The following MYO9B variants were observed in gnomAD, a reference collection of about 807,000 sequenced individuals.
The protein encoded by MYO9B is unconventional myosin-IXb.
In MYO9B, 71 loss-of-function variants were observed where a neutral mutation model predicts 229.5. The observed-to-expected ratio is 0.31, with a 90% CI of 0.26 to 0.38. The LOEUF is 0.38. Ranked by LOEUF, MYO9B falls within the 10% of genes least tolerant of loss-of-function variation. The pLI is 1.00. For missense variants in MYO9B, 2,255 were observed against 2,920.5 expected, an observed-to-expected ratio of 0.77 and a Z score of 5.25; for synonymous variants, 1,185 against 1,235.8, an observed-to-expected ratio of 0.96 and a Z score of 0.86.
intron 14 of MYO9B, among the ~76,000 whole-genome samples, chr19:17,176,640 G>C (rs1272124964): frequency 6.6e-6 from 1 of 152,138 alleles, no homozygotes; most frequent in Admixed American, 6.6e-5. Context: ...GTTTACAAAG[G>C]ATCCATTTTA....
At chr19:17,182,482 C>A (rs2072872755) in intron 15 of MYO9B, among the ~76,000 whole-genome samples, 1 of 152,018 alleles carries the variant, frequency 6.6e-6, no homozygotes, top group South Asian at 2.1e-4. Flanking sequence ...TGGCTCACTG[C>A]AACCTCCACC....
chr19:17,143,087 AAGTT>A (rs1400315623), intron 2 of MYO9B, among the ~76,000 whole-genome samples: 1 of 152,098 alleles, frequency 6.6e-6, no homozygotes, highest in East Asian at 1.9e-4. Flanking sequence ...AAAAATGTAA[AAGTT>A]AGCCAGGCGT....
At position 17,134,502 on chromosome 19, in the gene MYO9B, G is replaced by A. The variant is rs546796919; in HGVS notation, c.841-10895G>A. Among the ~76,000 whole-genome samples, 35 of 139,772 alleles carry A rather than the reference G, an allele frequency of 2.5e-4. No individual in the cohort carries two copies. In the South Asian group the frequency reaches 7.2e-3, roughly 29 times the overall value. 91.7% of individuals were successfully genotyped at this position (139,772 alleles called of 152,430 possible). Reference sequence around the variant, plus strand: ...TGCCTCTCGGTTTCAAGCGATTTTCGTGTCTCAGCCTCCCCTGTAGCTGGG... The same window carrying A: ...TGCCTCTCGGTTTCAAGCGATTTTCATGTCTCAGCCTCCCCTGTAGCTGGG... On this transcript the variant is annotated intron_variant, in intron 2 of 39. Transcript: ENST00000682292.
At chr19:17,082,319 G>A (rs1383747529) in intron 1 of MYO9B, among the ~76,000 whole-genome samples, 1 of 152,156 alleles carries the variant, frequency 6.6e-6, no homozygotes, top group Non-Finnish European at 1.5e-5. Context: ...ACTCGCTTAT[G>A]GGGGAAGTGG....
chr19:17,137,903 CT>C (rs35807019), intron 2 of MYO9B, among the ~76,000 whole-genome samples: 160 of 143,682 alleles, frequency 1.1e-3, no homozygotes, highest in South Asian at 1.3e-3. Flanking sequence ...CCATACCTGG[CT>C]TTTTTTTTTT....
intron 7 of MYO9B, 57 bp from the exon 8 acceptor site, chr19:17,159,338 T>C (rs1239860952): frequency 6.8e-7 from 1 of 1,468,314 alleles, no homozygotes; most frequent in African/African-American, 1.4e-5. Flanking sequence ...TACCAGGACA[T>C]GCCTGATAAG....
intron 2 of MYO9B, among the ~76,000 whole-genome samples, chr19:17,132,528 T>TTA (rs1568266218): frequency 6.6e-5 from 5 of 76,050 alleles, no homozygotes; most frequent in African/African-American, 1.2e-4. Context: ...TATTATTATT[T>TTA]TTTTTTTTTT....
intron 2 of MYO9B, among the ~76,000 whole-genome samples, chr19:17,126,894 C>T (rs1411341429): frequency 7.1e-6 from 1 of 140,976 alleles, no homozygotes; most frequent in African/African-American, 2.7e-5. Context: ...GAACTCCTGA[C>T]CTTGTGATCC....
intron 1 of MYO9B, among the ~76,000 whole-genome samples, chr19:17,088,392 G>T (rs971206606): frequency 6.6e-6 from 1 of 152,168 alleles, no homozygotes; most frequent in African/African-American, 2.4e-5. Flanking sequence ...TCTGAGGTTC[G>T]CGGTAAGCAT....
intron 2 of MYO9B, among the ~76,000 whole-genome samples, chr19:17,117,176 C>T (rs749028655): frequency 1.3e-5 from 2 of 152,130 alleles, no homozygotes; most frequent in African/African-American, 4.8e-5. Flanking sequence ...TGTCTATCGG[C>T]GATGTCAGCC....
chr19:17,139,430 C>T (rs1027926121), intron 2 of MYO9B, among the ~76,000 whole-genome samples: 3 of 152,140 alleles, frequency 2.0e-5, no homozygotes, highest in Non-Finnish European at 4.4e-5. Flanking sequence ...GCCTGGGCGA[C>T]AGACCAAAAT....
chr19:17,113,489 G>A (rs748694178), intron 2 of MYO9B, among the ~76,000 whole-genome samples: 3 of 152,112 alleles, frequency 2.0e-5, no homozygotes, highest in East Asian at 1.9e-4. Flanking sequence ...CAGGCCATCC[G>A]AAAGGCTAAA....
chr19:17,210,654 C>T lies in MYO9B; in HGVS notation c.5797-61C>T, dbSNP rs376247029. 203 of 1,481,740 alleles carry T rather than the reference C, an allele frequency of 1.4e-4. No individual in the cohort carries two copies. In the African/African-American group the frequency reaches 2.6e-3, roughly 19 times the overall value. The allele number at this position is 1,481,740 out of a possible 1,614,324, so 91.8% of individuals were successfully genotyped here. On this transcript the variant is annotated intron_variant, in intron 37 of 39. Transcript: ENST00000682292. ...CTAACCTCCTGGGATCTGCTCACAC[C>T]TCCGGCAGTAACCTCGCCCACTCAG...
chr19:17,152,659 A>C lies in MYO9B; in HGVS notation c.951A>C (p.Lys317Asn). The change falls in exon 4 of 40, where the codon AAA (lysine) becomes AAC (asparagine). Residue 317 changes from lysine (K) to asparagine (N), a missense_variant. Lys to Asn is a moderately conservative substitution (Grantham distance 94, BLOSUM62 0). Coordinates refer to ENST00000682292, the MANE Select transcript of MYO9B (RefSeq NM_004145.4). Reference sequence around the variant, plus strand: ...TTAATGACAGAGCTGTCGTCGAGAAATATCTGCTTGAAAAGTCTCGCCTGG... The same window carrying C: ...TTAATGACAGAGCTGTCGTCGAGAACTATCTGCTTGAAAAGTCTCGCCTGG... ...SGIVRGAVVE[K>N]YLLEKSRLVS... The C allele has an allele frequency of 6.2e-7, 1 of 1,613,418 alleles. No individual in the cohort carries two copies. The highest frequency in any genetic ancestry group is 8.5e-7 in the Non-Finnish European group (1 of 1,179,608).
chr19:17,078,225 G>A (rs936018033), intron 1 of MYO9B, among the ~76,000 whole-genome samples: 1 of 152,136 alleles, frequency 6.6e-6, no homozygotes, highest in East Asian at 1.9e-4. Flanking sequence ...GCCCGCCCCC[G>A]ACAACTTTGC....
rs575595671 is a variant in MYO9B, at chr19:17,190,213, G to A, written c.2689-884G>A. ...GTTTTTTGTGTGTGTGATGGGGGTG[G>A]TGCAGAGCCTTGCTCTGTCGCCCAG... On this transcript the variant is annotated intron_variant, in intron 19 of 39. Transcript: ENST00000682292. Among the ~76,000 whole-genome samples, 8 of 152,038 alleles carry A rather than the reference G, an allele frequency of 5.3e-5. No homozygotes were observed. In the East Asian group the frequency reaches 1.4e-3, roughly 26 times the overall value.
intron 2 of MYO9B, among the ~76,000 whole-genome samples, chr19:17,122,123 A>T (rs777649865): frequency 9.2e-5 from 14 of 152,038 alleles, no homozygotes; most frequent in Non-Finnish European, 1.9e-4. Context: ...CTCCACTCAG[A>T]CTCCCCTCTC....
chr19:17,167,273 T>C (rs1419709146), intron 10 of MYO9B, among the ~76,000 whole-genome samples: 1 of 149,614 alleles, frequency 6.7e-6, no homozygotes, highest in Non-Finnish European at 1.5e-5. Context: ...ACTCAAGCCA[T>C]CCTCCAGCCT....
In MYO9B at chr19:17,195,311, C is replaced by T. The variant is rs763741889; in HGVS notation, c.3884C>T (p.Thr1295Met). 5 of 1,612,474 alleles carry T rather than the reference C, an allele frequency of 3.1e-6. No homozygotes were observed. The highest frequency in any genetic ancestry group is 2.2e-5 in the South Asian group (2 of 91,086). Reference sequence around the variant, plus strand: ...AAGCCCGACAGCCCCGGAGGCTCCACGCAGATCCAGCGGTACCTGGACGCC... The same window carrying T: ...AAGCCCGACAGCCCCGGAGGCTCCATGCAGATCCAGCGGTACCTGGACGCC... ...QEKPDSPGGSTQIQRYLDAER... is the reference protein window; with the variant it reads ...QEKPDSPGGSMQIQRYLDAER... The change falls in exon 22 of 40, where the codon ACG becomes ATG. Residue 1295 changes from threonine to methionine, a missense_variant. Physicochemically the swap from Thr to Met is moderately conservative, Grantham distance 81. Around this residue, in one of 7 missense-constraint regions of MYO9B, gnomAD observed 679 missense variants for 770.2 expected, o/e 0.88. Transcript: ENST00000682292. This position sits in a 1 kb window ranked among gnomAD's most constrained non-coding sequence, Gnocchi z 4.5.
Sources: gnomAD v4.1 joint callset for allele counts (sites outside exome capture counted in the v4.1 genomes callset) on GRCh38, gnomAD v4.1.1 for gene constraint, gnomAD v4.1.1 regional missense constraint, Gnocchi (gnomAD v3.1) non-coding constraint, MANE v1.5 for transcripts, NCBI Gene and HGNC (gene_info 2026-07-23, HGNC 2026-07-21) for gene names.